Variants in ATG4C observed in about 807,000 individuals in gnomAD.
The protein encoded by ATG4C is autophagy related 4C cysteine peptidase.
Under a neutral mutation model 57.6 loss-of-function variants are expected in ATG4C, and 56 were observed. The observed-to-expected ratio is 0.97, with a 90% CI of 0.78 to 1.21. ATG4C has a LOEUF of 1.21. Ranked by LOEUF, ATG4C falls within the 50% of genes most tolerant of loss-of-function variation. The pLI, the probability that ATG4C is intolerant of heterozygous loss-of-function variation, is 0.00. For synonymous variants in ATG4C, 157 were observed against 174.1 expected (o/e 0.90, Z 0.78); for missense variants, 595 against 529.8 (o/e 1.12, Z -1.21).
Position 62,819,075 on chromosome 1 carries a change from A to C in ATG4C, c.465A>C (p.Lys155Asn), listed in dbSNP as rs750169994. Residue 155 changes from lysine (K) to asparagine (N), a missense_variant, in exon 5 of 11, where the codon AAA becomes AAC. Transcript: ENST00000317868. ...DSESWTSHTV[K>N]KFTASFEASL... The stretch of plus-strand genomic sequence containing the variant: ...AATCATGGACTTCCCACACTGTCAA[A>C]AAATTTACTGCATCATTTGAAGCAT... The C allele has an allele frequency of 1.2e-6, 2 of 1,608,986 alleles. No individual in the cohort carries two copies. Among genetic ancestry groups the C allele is most frequent in the African/African-American group, 1.3e-5 (1 of 74,698 alleles).
intron 10 of ATG4C, among the ~76,000 whole-genome samples, chr1:62,848,291 G>T (rs1429806538): frequency 6.6e-6 from 1 of 151,902 alleles, no homozygotes; most frequent in African/African-American, 2.4e-5. Flanking sequence ...TTCTGTTTTT[G>T]TACTTTGTGT....
intron 10 of ATG4C, among the ~76,000 whole-genome samples, chr1:62,859,756 T>C (rs1666793865): frequency 1.3e-5 from 2 of 152,044 alleles, no homozygotes; most frequent in African/African-American, 4.8e-5. Context: ...AGTGCAGTGG[T>C]GCAATCTTGA....
chr1:62,818,186 A>G (rs1665347387), intron 4 of ATG4C, among the ~76,000 whole-genome samples: 2 of 152,166 alleles, frequency 1.3e-5, no homozygotes, highest in Admixed American at 1.3e-4. Flanking sequence ...TTATGATTTC[A>G]TTTATTAACT....
intron 1 of ATG4C, among the ~76,000 whole-genome samples, chr1:62,786,644 C>T (rs1456425297): frequency 1.3e-5 from 2 of 151,980 alleles, no homozygotes; most frequent in Admixed American, 6.6e-5. Flanking sequence ...ATTTGACATG[C>T]ATTCAATCAT....
rs1477238128 is a variant in ATG4C at position 62,864,063 on chromosome 1, T to A, written c.1281T>A (p.Asp427Glu). 6.2e-7 allele frequency: 1 copy of A among 1,602,322 alleles called. No homozygotes were observed. Among genetic ancestry groups the A allele is most frequent in the South Asian group, 1.1e-5 (1 of 88,834 alleles). The change falls in exon 11 of 11, where the codon GAT (aspartate) becomes GAA (glutamate). Residue 427 changes from aspartate (D) to glutamate (E), a missense_variant. Coordinates refer to ENST00000317868, the MANE Select transcript of ATG4C (RefSeq NM_032852.4). ...TFVNGHSRDYDFTSTTTNEED... is the reference protein window; with the variant it reads ...TFVNGHSRDYEFTSTTTNEED... ...TAAATGGTCATTCCAGAGACTATGA[T>A]TTTACATCTACTACAACCAATGAAG...
chr1:62,838,592 A>G (rs1666070903), intron 9 of ATG4C, among the ~76,000 whole-genome samples: 1 of 152,120 alleles, frequency 6.6e-6, no homozygotes, highest in Admixed American at 6.6e-5. Context: ...AGCCTGGCCA[A>G]CATGGTGAAA....
intron 1 of ATG4C, among the ~76,000 whole-genome samples, chr1:62,792,782 T>A (rs1664322284): frequency 6.6e-6 from 1 of 152,158 alleles, no homozygotes. Flanking sequence ...TTGGCAAGGA[T>A]GTTTTAAAGG....
At chr1:62,810,125 T>C (rs911964763) in intron 3 of ATG4C, among the ~76,000 whole-genome samples, 4 of 152,188 alleles carry the variant, frequency 2.6e-5, no homozygotes, top group African/African-American at 9.6e-5. Flanking sequence ...TCATTGTAGC[T>C]TTAATAAAAA....
At chr1:62,853,429 G>T (rs1489371286) in intron 10 of ATG4C, among the ~76,000 whole-genome samples, 2 of 152,168 alleles carry the variant, frequency 1.3e-5, no homozygotes, top group African/African-American at 4.8e-5. Context: ...GAGCACTAAC[G>T]TGTTAGCTAT....
chr1:62,825,400 C>T (rs1303746729), intron 6 of ATG4C, among the ~76,000 whole-genome samples: 1 of 152,132 alleles, frequency 6.6e-6, no homozygotes, highest in African/African-American at 2.4e-5. Flanking sequence ...CCTTACAACA[C>T]TTTGTTTACT....
At chr1:62,863,299 GT>G (rs1379610916) in intron 10 of ATG4C, among the ~76,000 whole-genome samples, 1 of 151,848 alleles carries the variant, frequency 6.6e-6, no homozygotes, top group African/African-American at 2.4e-5. Flanking sequence ...CTAGATTATT[GT>G]AGAAATAGTT....
Position 62,819,083 on chromosome 1 carries a change from CT to C in ATG4C, c.474del (p.Ala159HisfsTer20), listed in dbSNP as rs1419639548. The part of the protein sequence containing the change: ...SWTSHTVKKF[T>X]ASFEASLSGE... ...ACTTCCCACACTGTCAAAAAATTTA[CT>C]GCATCATTTGAAGCATCACTTTCAG... On this transcript the variant is annotated frameshift_variant, in exon 5 of 11. Coordinates refer to ENST00000317868, the MANE Select transcript of ATG4C (RefSeq NM_032852.4). LOFTEE classifies it high-confidence loss of function. 1 of 1,609,820 alleles carries C rather than the reference CT, an allele frequency of 6.2e-7. No individual in the cohort carries two copies. The highest frequency in any genetic ancestry group is 8.5e-7 in the Non-Finnish European group (1 of 1,178,274).
rs765159860 is a variant in ATG4C at position 62,819,301 on chromosome 1, T to G, written c.691T>G (p.Trp231Gly). 4.3e-6 allele frequency: 7 copies of G among 1,610,506 alleles called. No individual in the cohort carries two copies. In the African/African-American group the frequency reaches 9.4e-5, roughly 22 times the overall value. Residue 231 changes from tryptophan (W) to glycine (G), a missense_variant, in exon 5 of 11, where the codon TGG (tryptophan) becomes GGG (glycine). Coordinates refer to ENST00000317868, the MANE Select transcript of ATG4C (RefSeq NM_032852.4). ...GAAGTCTGGGAAAAAAGCAGGAGAT[T>G]GGTATGGACCAGCTGTGGTTGCTCA... ...GKKSGKKAGD[W>G]YGPAVVAHIL...
chr1:62,855,215 A>G (rs1666646772), intron 10 of ATG4C, among the ~76,000 whole-genome samples: 1 of 152,152 alleles, frequency 6.6e-6, no homozygotes, highest in African/African-American at 2.4e-5. Context: ...AAGTTCTGCA[A>G]GATGAATTTG....
At chr1:62,796,395 A>G (rs1664469407) in intron 1 of ATG4C, among the ~76,000 whole-genome samples, 3 of 152,102 alleles carry the variant, frequency 2.0e-5, no homozygotes, top group Non-Finnish European at 2.9e-5. Context: ...ATGAATTAAC[A>G]AGGAATAATC....
At chr1:62,846,048 C>T (rs868302323) in intron 10 of ATG4C, among the ~76,000 whole-genome samples, 1 of 151,988 alleles carries the variant, frequency 6.6e-6, no homozygotes, top group Non-Finnish European at 1.5e-5. Flanking sequence ...TCTAGGTGAC[C>T]AGGGGAACAA....
chr1:62,839,991 G>A (rs1212817490), intron 9 of ATG4C, among the ~76,000 whole-genome samples: 20 of 152,158 alleles, frequency 1.3e-4, no homozygotes, highest in Admixed American at 1.3e-3. Flanking sequence ...AGGATGTACA[G>A]GGAGAGAAAG....
rs182579599 is a variant in ATG4C at position 62,829,720 on chromosome 1, T to C, written c.933+544T>C. ...AAAATCGGTTCTTTCTTGGAGCACA[T>C]TGTTTGGTTTCTTGCTTCAAAAGAA... On this transcript the variant is annotated intron_variant, in intron 7 of 10. Coordinates refer to ENST00000317868, the MANE Select transcript of ATG4C (RefSeq NM_032852.4). Among the ~76,000 whole-genome samples the C allele has an allele frequency of 1.3e-3, 205 of 152,184 alleles. 2 individuals carry two copies. Among genetic ancestry groups the C allele is most frequent in the African/African-American group, 4.3e-3 (179 of 41,566 alleles).
At chr1:62,814,376 A>G (rs1344672773) in intron 3 of ATG4C, among the ~76,000 whole-genome samples, 2 of 152,164 alleles carry the variant, frequency 1.3e-5, no homozygotes, top group South Asian at 2.1e-4. Context: ...GTTCTCACTC[A>G]TAAGTGGGAG....
Sources: allele counts gnomAD v4.1 joint callset (sites outside exome capture counted in the v4.1 genomes callset), GRCh38; gene constraint gnomAD v4.1.1; transcripts MANE v1.5; gene names NCBI Gene and HGNC (gene_info 2026-07-23, HGNC 2026-07-21).